Variants in USP11 observed in about 807,000 individuals in gnomAD.
USP11 encodes the protein ubiquitin specific peptidase 11, also known as ubiquitin carboxyl-terminal hydrolase 11.
A neutral mutation model predicts 72.8 loss-of-function variants in USP11; 5 were observed. That is an observed-to-expected ratio of 0.07 (90% confidence interval 0.04 to 0.14). USP11 has a LOEUF of 0.14. Among genes scored for constraint, USP11 ranks in the 10% least tolerant of loss-of-function variants. The pLI is 1.00. For synonymous variants in USP11, 368 were observed against 326.5 expected, an observed-to-expected ratio of 1.13 and a Z score of -1.37; for missense variants, 480 against 794.7, an observed-to-expected ratio of 0.60 and a Z score of 4.76.
chrX:47,244,088 G>A (rs776871152), intron 13 of USP11, among the ~76,000 whole-genome samples: 73 of 105,582 alleles, frequency 6.9e-4, no homozygotes, highest in African/African-American at 2.5e-3. Flanking sequence ...AAAAGTCCAC[G>A]CTCCATACCT....
chrX:47,244,455 T>C, intron 13 of USP11, 43 bp from the exon 14 acceptor site: 1 of 1,200,630 alleles, frequency 8.3e-7, no homozygotes, highest in Non-Finnish European at 1.1e-6. Flanking sequence ...CTATCCCCAC[T>C]GTCCTTGTAC....
chrX:47,238,994 T>C (rs2055388787), intron 1 of USP11, 76 bp from the exon 2 acceptor site: 2 of 662,700 alleles, frequency 3.0e-6, no homozygotes, highest in East Asian at 7.0e-5. Flanking sequence ...ATACTTTCAG[T>C]CTGTTGGGCA....
rs1215480033 is a variant in USP11, at chrX:47,240,307, C to T, written c.538C>T (p.Leu180=). ...VQFSHTDSIG[L]VLRTARERFL... is the part of the protein sequence containing the mutation. Reference sequence around the variant, plus strand: ...ATGTACTCCATCACCCCGCACAGGCCTAGTATTGCGCACAGCTCGGGAGCG... The same window carrying T: ...ATGTACTCCATCACCCCGCACAGGCTTAGTATTGCGCACAGCTCGGGAGCG... Residue 180 remains leucine, a splice_region_variant and synonymous_variant, in exon 5 of 21, where the codon CTA becomes TTA. Transcript: ENST00000377107. 4.9e-5 allele frequency: 59 copies of T among 1,210,597 alleles called. No individual in the cohort carries two copies. Among genetic ancestry groups the T allele is most frequent in the Non-Finnish European group, 6.6e-5 (59 of 894,848 alleles).
chrX:47,241,716 T>C lies in USP11; in HGVS notation c.1179+17T>C. On this transcript the variant is annotated intron_variant, in intron 9 of 20. Coordinates refer to ENST00000377107, the MANE Select transcript of USP11 (RefSeq NM_001371072.1). The stretch of plus-strand genomic sequence containing the variant: ...CCGGATCAGGTAGGCTGCCCCCGCA[T>C]TTGCAGTCCAATTAACATCACCAAG... The C allele has an allele frequency of 8.5e-7, 1 of 1,172,986 alleles. No homozygotes were observed. The highest frequency in any genetic ancestry group is 1.1e-6 in the Non-Finnish European group (1 of 877,783).
intron 19 of USP11, 79 bp from the exon 20 acceptor site, chrX:47,247,532 G>A (rs2055441137): frequency 8.6e-7 from 1 of 1,157,880 alleles, no homozygotes; most frequent in Non-Finnish European, 1.2e-6. Flanking sequence ...TTATCGTGGT[G>A]GGAGGAGTGA....
At chrX:47,240,910 C>A (rs371882961) in intron 7 of USP11, 34 bp downstream of exon 7, 1 of 1,161,824 alleles carries the variant, frequency 8.6e-7, no homozygotes, top group African/African-American at 1.8e-5. Flanking sequence ...GGCACAGCCA[C>A]GTGGTTGGGC....
At chrX:47,243,079 C>T (rs1426802051) in intron 12 of USP11, among the ~76,000 whole-genome samples, 1 of 110,826 alleles carries the variant, frequency 9.0e-6, no homozygotes, top group Non-Finnish European at 1.9e-5. Context: ...CTGGCTAACA[C>T]GGTGAAACCC....
chrX:47,238,010 A>G (rs2055382471), intron 1 of USP11, among the ~76,000 whole-genome samples: 1 of 111,341 alleles, frequency 9.0e-6, no homozygotes, highest in Non-Finnish European at 1.9e-5. Context: ...TGTAGTACAT[A>G]TAAGTTTCAC....
chrX:47,245,878 C>G (rs1358259556), intron 17 of USP11, among the ~76,000 whole-genome samples: 1 of 111,287 alleles, frequency 9.0e-6, no homozygotes, highest in African/African-American at 3.3e-5. Context: ...TTCCTCCTCC[C>G]TCCTCCACAC....
At chrX:47,245,310 C>T (rs2055426587) in intron 16 of USP11, 60 bp from the exon 17 acceptor site, 3 of 1,075,862 alleles carry the variant, frequency 2.8e-6, no homozygotes, top group Non-Finnish European at 3.9e-6. Flanking sequence ...GGCCCCCACT[C>T]CCCATTTCTC....
intron 1 of USP11, among the ~76,000 whole-genome samples, chrX:47,237,778 GTGTGTGTA>G (rs1251051952): frequency 0.028 from 757 of 27,379 alleles, 2 homozygotes; most frequent in African/African-American, 0.037. Flanking sequence ...CAGAACAGGT[GTGTGTGTA>G]TGTGTGTGTG....
At chrX:47,235,714 C>G (rs964036716) in intron 1 of USP11, among the ~76,000 whole-genome samples, 1 of 110,932 alleles carries the variant, frequency 9.0e-6, no homozygotes, top group Middle Eastern at 4.6e-3. Flanking sequence ...CTACAGAGTT[C>G]TTTAATAACC....
In USP11 at chrX:47,239,407, C is replaced by A; in HGVS notation, c.343C>A (p.Leu115Ile). The A allele has an allele frequency of 8.3e-7, 1 of 1,211,539 alleles. No homozygotes were observed. Among genetic ancestry groups the A allele is most frequent in the East Asian group, 3.0e-5 (1 of 33,855 alleles). The stretch of plus-strand genomic sequence containing the variant: ...GGTGGAAGGCGAGGATTATGTGCTG[C>A]TCCCAGCAGCTGCTTGGCATTACCT... The part of the protein sequence containing the change: ...GLVEGEDYVL[L>I]PAAAWHYLVS... The change falls in exon 3 of 21, where the codon CTC becomes ATC. Residue 115 changes from leucine (L) to isoleucine (I), a missense_variant. By Grantham distance (5) the Leu-to-Ile change is conservative. This residue lies in a region of USP11 where 14 missense variants were observed against 46.4 expected (regional missense o/e 0.30). Coordinates refer to ENST00000377107, the MANE Select transcript of USP11 (RefSeq NM_001371072.1).
At chrX:47,239,595 T>C (rs1032791371) in intron 3 of USP11, 114 bp downstream of exon 3, 19 of 1,083,143 alleles carry the variant, frequency 1.8e-5, no homozygotes, top group East Asian at 9.2e-5. Flanking sequence ...TCTGCTCTCT[T>C]CCCCCTCCTA....
rs370020296 is a variant in USP11 at position 47,240,298 on chromosome X, C to T, written c.536-7C>T. ...AGATCTTGAATGTACTCCATCACCC[C>T]GCACAGGCCTAGTATTGCGCACAGC... On this transcript the variant is annotated splice_polypyrimidine_tract_variant and splice_region_variant and intron_variant, in intron 4 of 20. Coordinates refer to ENST00000377107, the MANE Select transcript of USP11 (RefSeq NM_001371072.1). 20 of 1,207,812 alleles carry T rather than the reference C, an allele frequency of 1.7e-5. No individual in the cohort carries two copies. The highest frequency in any genetic ancestry group is 3.5e-5 in the African/African-American group (2 of 57,210).
chrX:47,237,775 G>GGTGTGTGTGTGTGTGTGT (rs1428419266), intron 1 of USP11, among the ~76,000 whole-genome samples: 2 of 99,173 alleles, frequency 2.0e-5, no homozygotes, highest in African/African-American at 8.1e-5. Flanking sequence ...CAGCAGAACA[G>GGTGTGTGTGTGTGTGTGT]GTGTGTGTGT....
At chrX:47,233,541 C>G (rs1354070940) in intron 1 of USP11, 1 of 908,892 alleles carries the variant, frequency 1.1e-6, no homozygotes, top group Non-Finnish European at 1.4e-6. Flanking sequence ...AAGGTGGGTT[C>G]TGCTACATAA....
intron 1 of USP11, chrX:47,233,671 A>C (rs1279113169): frequency 4.2e-6 from 2 of 477,593 alleles, no homozygotes; most frequent in African/African-American, 5.6e-5. Context: ...AGCGGGATGG[A>C]GCCGAACGGT....
intron 17 of USP11, 36 bp downstream of exon 17, chrX:47,245,518 T>C: frequency 1.0e-6 from 1 of 959,274 alleles, no homozygotes; most frequent in Non-Finnish European, 1.5e-6. Flanking sequence ...TGTGGGGGTT[T>C]CATTGGATGG....
Sources: allele counts gnomAD v4.1 joint callset (sites outside exome capture counted in the v4.1 genomes callset), GRCh38; gene constraint gnomAD v4.1.1; regional missense constraint gnomAD v4.1.1; transcripts MANE v1.5; gene names NCBI Gene and HGNC (gene_info 2026-07-23, HGNC 2026-07-21).